DNAJC17: variants seen among roughly 807,000 people sequenced by gnomAD.
DNAJC17 encodes the protein DnaJ heat shock protein family (Hsp40) member C17.
Under a neutral mutation model 48.1 loss-of-function variants are expected in DNAJC17, and 35 were observed. The ratio of observed to expected loss-of-function variants is 0.73; its 90% CI spans 0.56 to 0.96. DNAJC17 has a LOEUF of 0.96. Ranked by LOEUF, DNAJC17 falls within the 50% of genes least tolerant of loss-of-function variation. DNAJC17 has a pLI of 0.00. For missense variants in DNAJC17, 355 were observed against 377.1 expected (o/e 0.94, Z 0.48); for synonymous variants, 117 against 142.7 (o/e 0.82, Z 1.28).
At chr15:40,776,451 GC>G in intron 5 of DNAJC17, 90 bp downstream of exon 5, 2 of 1,517,016 alleles carry the variant, frequency 1.3e-6, no homozygotes, top group Non-Finnish European at 1.8e-6. Flanking sequence ...CAAAGAGCAT[GC>G]CCTCTCTAGC....
intron 10 of DNAJC17, chr15:40,771,133 A>G: frequency 9.8e-7 from 1 of 1,018,186 alleles, no homozygotes. Flanking sequence ...TCAGGCAGGC[A>G]GAGCTTCTTC....
At chr15:40,776,355 G>A in intron 5 of DNAJC17, 63 bp from the exon 6 acceptor site, 1 of 1,560,566 alleles carries the variant, frequency 6.4e-7, no homozygotes, top group East Asian at 2.3e-5. Context: ...GGCTCACCTT[G>A]TAAAAAGTCC....
Position 40,765,745 on chromosome 15 carries a change from G to T in DNAJC17, c.*2195C>A. 1 of 602,176 alleles carries T rather than the reference G, an allele frequency of 1.7e-6. No individual in the cohort carries two copies. 37.3% of individuals were successfully genotyped at this position (602,176 alleles called of 1,614,324 possible). On this transcript the variant is annotated 3_prime_UTR_variant, in exon 11 of 11. Transcript: ENST00000220496. ...TTTACCTGAACCTTACTCAGGGCTA[G>T]CAGGCAGGGGAGGAAGGACAGGCAA...
At chr15:40,783,612 C>G (rs999512577) in intron 1 of DNAJC17, among the ~76,000 whole-genome samples, 1 of 152,158 alleles carries the variant, frequency 6.6e-6, no homozygotes, top group African/African-American at 2.4e-5. Context: ...ACCTCTAATC[C>G]CATCGCTGTG....
At chr15:40,797,262 C>T (rs555945665) in intron 1 of DNAJC17, among the ~76,000 whole-genome samples, 1 of 152,258 alleles carries the variant, frequency 6.6e-6, no homozygotes, top group East Asian at 1.9e-4. Flanking sequence ...CCTAGCTACT[C>T]AGGAGACTGA....
At chr15:40,785,514 T>C (rs1889616608) in intron 1 of DNAJC17, among the ~76,000 whole-genome samples, 2 of 152,306 alleles carry the variant, frequency 1.3e-5, no homozygotes, top group Admixed American at 1.3e-4. Flanking sequence ...ACAGGGCTGC[T>C]GGAAGGATTA....
chr15:40,806,948 T>A, intron 1 of DNAJC17: 1 of 309,606 alleles, frequency 3.2e-6, no homozygotes, highest in Non-Finnish European at 6.0e-6. Flanking sequence ...GGCTTTGAGA[T>A]CTTACTTTTC....
chr15:40,780,724 G>A (rs1474125460), intron 1 of DNAJC17, among the ~76,000 whole-genome samples: 2 of 152,016 alleles, frequency 1.3e-5, no homozygotes, highest in Non-Finnish European at 2.9e-5. Context: ...TGAGGCAGGA[G>A]AATCGCTTGA....
chr15:40,805,059 TCTCA>T (rs1890164844), intron 1 of DNAJC17, among the ~76,000 whole-genome samples: 1 of 151,066 alleles, frequency 6.6e-6, no homozygotes, highest in Non-Finnish European at 1.5e-5. Context: ...TCAAATAGTT[TCTCA>T]CTATTAATAA....
Position 40,770,378 on chromosome 15 carries a change from A to T in DNAJC17, c.793-2316T>A. The stretch of plus-strand genomic sequence containing the variant: ...GGTCAAAGGTCTGTGCTGAGTGGAA[A>T]CCCTGAGGCCTCTGCTCCTAGGGGA... On this transcript the variant is annotated intron_variant, in intron 10 of 10. Transcript: ENST00000220496. This position sits in a 1 kb window ranked among gnomAD's most constrained non-coding sequence, Gnocchi z 5.0. 6 of 986,312 alleles carry T rather than the reference A, an allele frequency of 6.1e-6. No homozygotes were observed. The South Asian group carries it at 1.0e-4, about 17-fold the overall frequency. The allele number at this position is 986,312 out of a possible 1,614,324, so 61.1% of individuals were successfully genotyped here. A position where few individuals can be genotyped will look rare whatever the true frequency, so the allele number is the denominator to read the frequency against.
At position 40,769,691 on chromosome 15, in the gene DNAJC17, G is replaced by A. The variant is rs150215755; in HGVS notation, c.793-1629C>T. On this transcript the variant is annotated intron_variant, in intron 10 of 10. Coordinates refer to ENST00000220496, the MANE Select transcript of DNAJC17 (RefSeq NM_018163.3). The surrounding 1 kb of genome is among the most constrained non-coding windows in gnomAD (Gnocchi z 4.2). ...CCTGCCTTTCAATTAACTCCCACCC[G>A]CCCCGAACTCTTCCTACCCAGACAC... 1.3e-5 allele frequency among the ~76,000 whole-genome samples: 2 copies of A among 152,250 alleles called. No individual in the cohort carries two copies. Among genetic ancestry groups the A allele is most frequent in the Non-Finnish European group, 2.9e-5 (2 of 68,014 alleles).
intron 1 of DNAJC17, among the ~76,000 whole-genome samples, chr15:40,787,126 G>A (rs903275415): frequency 6.6e-6 from 1 of 152,120 alleles, no homozygotes; most frequent in East Asian, 1.9e-4. Flanking sequence ...CTCATCTGCT[G>A]CTTCTTTTCT....
Position 40,770,601 on chromosome 15 carries a change from G to T in DNAJC17, c.793-2539C>A. The T allele has an allele frequency of 6.4e-7, 1 of 1,550,726 alleles. No homozygotes were observed. The highest frequency in any genetic ancestry group is 1.4e-5 in the African/African-American group (1 of 73,172). ...GCGACAGAGTAGTGTGCTTAGCCAGGCCAGCACAGCAGGTGGGGACCACGA... is the reference window on the plus strand; with the variant it reads ...GCGACAGAGTAGTGTGCTTAGCCAGTCCAGCACAGCAGGTGGGGACCACGA... On this transcript the variant is annotated intron_variant, in intron 10 of 10. Coordinates refer to ENST00000220496, the MANE Select transcript of DNAJC17 (RefSeq NM_018163.3). The surrounding 1 kb of genome is among the most constrained non-coding windows in gnomAD (Gnocchi z 5.0).
At position 40,770,402 on chromosome 15, in the gene DNAJC17, G is replaced by T; in HGVS notation, c.793-2340C>A. ...AACCCTGAGGCCTCTGCTCCTAGGGGAGCCTCCCCAGCTGCTGGCACTCAC... is the reference window on the plus strand; with the variant it reads ...AACCCTGAGGCCTCTGCTCCTAGGGTAGCCTCCCCAGCTGCTGGCACTCAC... On this transcript the variant is annotated intron_variant, in intron 10 of 10. Transcript: ENST00000220496. This position sits in a 1 kb window ranked among gnomAD's most constrained non-coding sequence, Gnocchi z 5.0. The T allele has an allele frequency of 3.9e-6, 5 of 1,279,020 alleles. No homozygotes were observed. The highest frequency in any genetic ancestry group is 5.3e-6 in the Non-Finnish European group (5 of 944,928). The allele number at this position is 1,279,020 out of a possible 1,614,324, so 79.2% of individuals were successfully genotyped here. A position where few individuals can be genotyped will look rare whatever the true frequency, so the allele number is the denominator to read the frequency against.
At chr15:40,792,346 C>T in intron 1 of DNAJC17, 1 of 574,696 alleles carries the variant, frequency 1.7e-6, no homozygotes, top group Non-Finnish European at 2.2e-6. Context: ...CAGAAAATGT[C>T]AATATTAAGT....
rs1385491246 is a variant in DNAJC17 at position 40,804,671 on chromosome 15, C to A, written c.78+2698G>T. On this transcript the variant is annotated intron_variant, in intron 1 of 10. Transcript: ENST00000220496. ...CTAATTAATAGAGAATGACTTCCAA[C>A]TGACTTCCTCAGGAGTTCTCAACTT... is the stretch of plus-strand genomic sequence containing the variant. 2.0e-5 allele frequency among the ~76,000 whole-genome samples: 3 copies of A among 152,204 alleles called. 1 individual carries two copies. In the South Asian group the frequency reaches 6.2e-4, roughly 31 times the overall value.
At chr15:40,780,812 CAAATAAAATA>C (rs112369106) in intron 1 of DNAJC17, among the ~76,000 whole-genome samples, 2 of 146,060 alleles carry the variant, frequency 1.4e-5, no homozygotes, top group African/African-American at 2.6e-5. Context: ...GACTCTGTCT[CAAATAAAATA>C]AAATAAAATA....
intron 3 of DNAJC17, 103 bp from the exon 4 acceptor site, chr15:40,779,413 C>T (rs1596081171): frequency 1.3e-6 from 2 of 1,551,230 alleles, no homozygotes; most frequent in East Asian, 4.5e-5. Context: ...AGAGTGGCAG[C>T]CTGGTGACTG....
At chr15:40,781,728 C>T (rs1483215347) in intron 1 of DNAJC17, among the ~76,000 whole-genome samples, 1 of 151,222 alleles carries the variant, frequency 6.6e-6, no homozygotes, top group Admixed American at 6.6e-5. Flanking sequence ...GAGACCATCC[C>T]GGCTAACACG....
Sources: gnomAD v4.1 joint callset for allele counts (sites outside exome capture counted in the v4.1 genomes callset) on GRCh38, gnomAD v4.1.1 for gene constraint, Gnocchi (gnomAD v3.1) non-coding constraint, MANE v1.5 for transcripts, NCBI Gene and HGNC (gene_info 2026-07-23, HGNC 2026-07-21) for gene names.